Variants in IGSF11 observed in about 807,000 individuals in gnomAD.
IGSF11 encodes the protein immunoglobulin superfamily member 11, also known as CXADR like 1.
IGSF11 carries 22 observed loss-of-function variants against 41.0 expected under a neutral mutation model. The ratio of observed to expected loss-of-function variants is 0.54; its 90% CI spans 0.38 to 0.77. The LOEUF (loss-of-function observed/expected upper bound fraction) is 0.77. IGSF11 is among the 30% of genes least tolerant of loss of function. IGSF11 has a pLI of 0.00. For synonymous variants in IGSF11, 219 were observed against 201.3 expected, an observed-to-expected ratio of 1.09 and a Z score of -0.74; for missense variants, 444 against 530.8, an observed-to-expected ratio of 0.84 and a Z score of 1.61.
At chr3:118,913,115 A>AC (rs567840208) in intron 4 of IGSF11, among the ~76,000 whole-genome samples, 206 of 152,272 alleles carry the variant, frequency 1.4e-3, no homozygotes, top group African/African-American at 3.9e-3. Flanking sequence ...AAAAACAAAA[A>AC]AAAAACCAGA....
upstream of IGSF11, among the ~76,000 whole-genome samples, chr3:119,108,353 G>A (rs891980582): frequency 7.1e-6 from 1 of 141,184 alleles, no homozygotes; most frequent in Non-Finnish European, 1.6e-5. Context: ...TGAAGCAATT[G>A]TGAATGGGAG....
chr3:119,141,618 T>C lies in IGSF11; in HGVS notation c.-14+4195A>G, dbSNP rs143623197. On this transcript the variant is annotated intron_variant, in intron 1 of 7. Coordinates refer to the IGSF11 transcript ENST00000425327. ...TATAGATTATCTATATTATCTAATA[T>C]ATTAGATACATTAGATAAAATATCT... 8.5e-3 allele frequency among the ~76,000 whole-genome samples: 1,263 copies of C among 149,024 alleles called. 16 individuals are homozygous for C. The highest frequency in any genetic ancestry group is 0.029 in the African/African-American group (1,177 of 40,964).
At chr3:119,084,790 A>T (rs933010887) in intron 1 of IGSF11, among the ~76,000 whole-genome samples, 1 of 152,214 alleles carries the variant, frequency 6.6e-6, no homozygotes, top group Non-Finnish European at 1.5e-5. Context: ...CAGTGCACCC[A>T]GAACCCAGTC....
chr3:118,921,115 A>T (rs1941735638), intron 4 of IGSF11, among the ~76,000 whole-genome samples: 1 of 152,130 alleles, frequency 6.6e-6, no homozygotes, highest in South Asian at 2.1e-4. Context: ...GCTGCTCCTC[A>T]TCCCCTAACT....
At chr3:119,135,417 C>G (rs36151376) in intron 1 of IGSF11, among the ~76,000 whole-genome samples, 1 of 152,150 alleles carries the variant, frequency 6.6e-6, no homozygotes, top group East Asian at 1.9e-4. Flanking sequence ...TGAACAGACA[C>G]TTCGCAAAAG....
intron 1 of IGSF11, among the ~76,000 whole-genome samples, chr3:118,996,423 C>G (rs111948694): frequency 0.013 from 1,973 of 152,254 alleles, 45 homozygotes; most frequent in African/African-American, 0.045. Context: ...ACGCTACTTC[C>G]ATGCCACCAT....
chr3:119,034,571 C>G lies in IGSF11; in HGVS notation c.12G>C (p.Gln4His). The part of the protein sequence containing the change: MTS[Q>H]RSPLAPLLLL... ...GCAGCAAAGGCGCCAGAGGGGAACG[C>G]TGAGAAGTCATCCCGGGGCCGCAGG... Residue 4 changes from glutamine (Q) to histidine (H), a missense_variant, in exon 1 of 7, where the codon CAG (glutamine) becomes CAC (histidine). By Grantham distance (24) the Gln-to-His change is conservative (BLOSUM62 0). Transcript: ENST00000393775. 6.3e-7 allele frequency: 1 copy of G among 1,591,730 alleles called. No individual in the cohort carries two copies. The highest frequency in any genetic ancestry group is 8.5e-7 in the Non-Finnish European group (1 of 1,170,140).
chr3:118,970,205 C>G (rs2107616674), intron 1 of IGSF11, among the ~76,000 whole-genome samples: 1 of 152,162 alleles, frequency 6.6e-6, no homozygotes, highest in East Asian at 1.9e-4. Context: ...ACATAAAATT[C>G]AAAAGTCAAG....
At chr3:119,103,947 T>C (rs2076978967) in intron 1 of IGSF11, among the ~76,000 whole-genome samples, 1 of 152,206 alleles carries the variant, frequency 6.6e-6, no homozygotes, top group Non-Finnish European at 1.5e-5. Flanking sequence ...TAATGCCCCC[T>C]CATATATTGT....
chr3:119,072,911 G>C (rs898197005), intron 1 of IGSF11, among the ~76,000 whole-genome samples: 3 of 152,138 alleles, frequency 2.0e-5, no homozygotes, highest in Admixed American at 2.0e-4. Context: ...TTTACAGAGA[G>C]CTGATTGGTC....
intron 1 of IGSF11, among the ~76,000 whole-genome samples, chr3:119,101,720 T>C (rs2076943204): frequency 6.6e-6 from 1 of 152,234 alleles, no homozygotes; most frequent in African/African-American, 2.4e-5. Flanking sequence ...TCTTTTCATA[T>C]ACCTAATTTC....
intron 1 of IGSF11, among the ~76,000 whole-genome samples, chr3:119,101,730 C>A (rs563481161): frequency 1.3e-5 from 2 of 152,296 alleles, no homozygotes; most frequent in South Asian, 4.1e-4. Context: ...TACCTAATTT[C>A]TCACATTTGC....
chr3:119,006,409 A>G (rs1049592319), intron 1 of IGSF11, among the ~76,000 whole-genome samples: 1 of 104,742 alleles, frequency 9.5e-6, no homozygotes, highest in African/African-American at 6.1e-5. Context: ...TTTGGTTTGA[A>G]TGTCCTCCCG....
chr3:118,987,789 G>C (rs1935406915), intron 1 of IGSF11, among the ~76,000 whole-genome samples: 1 of 152,144 alleles, frequency 6.6e-6, no homozygotes, highest in Non-Finnish European at 1.5e-5. Flanking sequence ...AAGCCAAGAA[G>C]GCACAGACAG....
At chr3:118,943,700 T>C (rs752600763) in intron 1 of IGSF11, among the ~76,000 whole-genome samples, 24 of 152,238 alleles carry the variant, frequency 1.6e-4, no homozygotes, top group Non-Finnish European at 3.1e-4. Flanking sequence ...TCTGACATTG[T>C]GATGCTATAG....
chr3:119,127,293 C>T (rs1412217726), intron 1 of IGSF11, among the ~76,000 whole-genome samples: 1 of 151,096 alleles, frequency 6.6e-6, no homozygotes, highest in African/African-American at 2.4e-5. Context: ...GTGAAGACCA[C>T]CTTACTGAAA....
intron 4 of IGSF11, among the ~76,000 whole-genome samples, chr3:118,907,312 T>C (rs1429152812): frequency 6.6e-6 from 1 of 152,220 alleles, no homozygotes; most frequent in African/African-American, 2.4e-5. Context: ...TAAATATTTA[T>C]TGAGCATCTT....
At chr3:119,082,010 T>G (rs2076593876) in intron 1 of IGSF11, among the ~76,000 whole-genome samples, 1 of 152,120 alleles carries the variant, frequency 6.6e-6, no homozygotes, top group Non-Finnish European at 1.5e-5. Flanking sequence ...AGCCTGACCT[T>G]CTAATCCCTC....
intron 4 of IGSF11, among the ~76,000 whole-genome samples, chr3:118,921,267 G>T (rs1297645204): frequency 6.6e-6 from 1 of 152,158 alleles, no homozygotes; most frequent in East Asian, 1.9e-4. Context: ...GTTCAGCAAT[G>T]TATCTTCAGC....
Sources: allele counts gnomAD v4.1 joint callset (sites outside exome capture counted in the v4.1 genomes callset), GRCh38; gene constraint gnomAD v4.1.1; transcripts MANE v1.5; gene names NCBI Gene and HGNC (gene_info 2026-07-23, HGNC 2026-07-21).